Variants in CPED1 observed in about 807,000 individuals in gnomAD.
CPED1 encodes cadherin like and PC-esterase domain containing 1, also known as cadherin-like and PC-esterase domain-containing protein 1.
A neutral mutation model predicts 128.2 loss-of-function variants in CPED1; 114 were observed. That is an observed-to-expected ratio of 0.89 (90% CI 0.76 to 1.04). CPED1 has a LOEUF of 1.04. CPED1 is among the 50% of genes least tolerant of loss of function. The pLI is 0.00. For missense variants in CPED1, 1,211 were observed against 1,207.1 expected (o/e 1.00, Z -0.05); for synonymous variants, 462 against 426.7 (o/e 1.08, Z -1.02).
At chr7:121,098,717 A>C (rs1794757701) in intron 6 of CPED1, among the ~76,000 whole-genome samples, 1 of 143,334 alleles carries the variant, frequency 7.0e-6, no homozygotes, top group African/African-American at 2.6e-5. Flanking sequence ...GAGTGACAGC[A>C]AGACCTTGTC....
At chr7:121,170,020 C>A (rs1467138958) in intron 16 of CPED1, among the ~76,000 whole-genome samples, 1 of 152,196 alleles carries the variant, frequency 6.6e-6, no homozygotes, top group African/African-American at 2.4e-5. Flanking sequence ...ATGGACTACA[C>A]CTTAGTGACA....
At chr7:121,284,464 G>A (rs1338256623) in intron 22 of CPED1, among the ~76,000 whole-genome samples, 1 of 152,060 alleles carries the variant, frequency 6.6e-6, no homozygotes, top group South Asian at 2.1e-4. Context: ...TAACCCAAAA[G>A]TCAAAGTCTA....
chr7:121,068,954 CA>C (rs1171779487), intron 5 of CPED1, among the ~76,000 whole-genome samples: 1 of 152,038 alleles, frequency 6.6e-6, no homozygotes, highest in Non-Finnish European at 1.5e-5. Flanking sequence ...AAGAGGAACC[CA>C]GAGCTTAGGA....
chr7:121,036,183 G>C (rs1330196292), intron 3 of CPED1, among the ~76,000 whole-genome samples: 1 of 152,070 alleles, frequency 6.6e-6, no homozygotes, highest in Non-Finnish European at 1.5e-5. Context: ...ACATGAATAA[G>C]TAACTTAGTG....
intron 22 of CPED1, among the ~76,000 whole-genome samples, chr7:121,290,230 C>T (rs958907892): frequency 2.0e-5 from 3 of 152,112 alleles, no homozygotes; most frequent in African/African-American, 7.2e-5. Context: ...TGGTTGGTCC[C>T]AAGTCTTTGC....
intron 18 of CPED1, among the ~76,000 whole-genome samples, chr7:121,253,482 G>C (rs1041547845): frequency 1.3e-5 from 2 of 151,524 alleles, no homozygotes; most frequent in African/African-American, 4.8e-5. Context: ...ATAAAAAAAA[G>C]GAACATAGCT....
intron 16 of CPED1, among the ~76,000 whole-genome samples, chr7:121,171,192 C>T (rs1416728295): frequency 6.6e-6 from 1 of 152,090 alleles, no homozygotes; most frequent in Non-Finnish European, 1.5e-5. Context: ...CTAATTTACT[C>T]AGTAAAAATG....
At chr7:121,063,279 G>C (rs1793728486) in intron 4 of CPED1, among the ~76,000 whole-genome samples, 1 of 136,250 alleles carries the variant, frequency 7.3e-6, no homozygotes. Flanking sequence ...AAATGAATCA[G>C]TTTTTAGAAC....
chr7:121,215,394 T>C (rs1483984158), intron 16 of CPED1, among the ~76,000 whole-genome samples: 2 of 152,092 alleles, frequency 1.3e-5, no homozygotes, highest in Admixed American at 6.6e-5. Flanking sequence ...CTATGAGCAA[T>C]ATAATTTTAT....
At chr7:121,231,185 G>A (rs1229068002) in intron 16 of CPED1, among the ~76,000 whole-genome samples, 1 of 152,072 alleles carries the variant, frequency 6.6e-6, no homozygotes, top group East Asian at 1.9e-4. Context: ...GTAATAAGGA[G>A]TGTTAACAAA....
Position 121,015,737 on chromosome 7 carries a change from A to C in CPED1, c.322A>C (p.Ser108Arg), listed in dbSNP as rs990588889. ...CATACTCTACAGGCCTCCTTTCTACAGCAAAACAGAGCTTCAGCTACACCA... is the reference window on the plus strand; with the variant it reads ...CATACTCTACAGGCCTCCTTTCTACCGCAAAACAGAGCTTCAGCTACACCA... Reference protein sequence around the residue: ...RAILYRPPFYSKTELQLHQHI... With the variant: ...RAILYRPPFYRKTELQLHQHI... Residue 108 changes from serine (S) to arginine (R), a missense_variant, in exon 3 of 23, where the codon AGC (serine) becomes CGC (arginine). Physicochemically the swap from Ser to Arg is moderately radical, Grantham distance 110 (BLOSUM62 -1). Transcript: ENST00000310396. 2 of 1,611,826 alleles carry C rather than the reference A, an allele frequency of 1.2e-6. No individual in the cohort carries two copies. The highest frequency in any genetic ancestry group is 2.7e-5 in the African/African-American group (2 of 74,752).
chr7:121,069,071 G>A (rs547398588), intron 5 of CPED1, among the ~76,000 whole-genome samples: 4 of 152,188 alleles, frequency 2.6e-5, no homozygotes, highest in African/African-American at 9.6e-5. Context: ...CTTTGCTCTG[G>A]AGTGAGGCAC....
chr7:121,002,591 G>A lies in CPED1; in HGVS notation c.249+12721G>A, dbSNP rs572853033. Among the ~76,000 whole-genome samples, 43 of 152,240 alleles carry A rather than the reference G, an allele frequency of 2.8e-4. 1 individual carries two copies. Among genetic ancestry groups the A allele is most frequent in the Admixed American group, 1.2e-3 (19 of 15,272 alleles). ...ACATAAGCTATTTTAAAAGCAGATA[G>A]GTTTGAGGCAGAGTTAGTTTTCTTG... On this transcript the variant is annotated intron_variant, in intron 2 of 22. Transcript: ENST00000310396.
At chr7:121,229,672 G>A (rs1389482038) in intron 16 of CPED1, among the ~76,000 whole-genome samples, 1 of 152,006 alleles carries the variant, frequency 6.6e-6, no homozygotes, top group Admixed American at 6.6e-5. Flanking sequence ...TTATTTGTTT[G>A]TGGCAGGAGC....
At chr7:121,067,251 C>G (rs1793854100) in intron 5 of CPED1, among the ~76,000 whole-genome samples, 1 of 151,772 alleles carries the variant, frequency 6.6e-6, no homozygotes, top group African/African-American at 2.4e-5. Flanking sequence ...TCTCCTAATG[C>G]TATCCCTCCC....
At chr7:121,033,151 TG>T (rs550808247) in intron 3 of CPED1, among the ~76,000 whole-genome samples, 19 of 152,232 alleles carry the variant, frequency 1.2e-4, no homozygotes, top group Non-Finnish European at 1.8e-4. Context: ...GGCCAACTAC[TG>T]TGAGGTCCTC....
chr7:120,992,128 T>C (rs893736454), intron 2 of CPED1, among the ~76,000 whole-genome samples: 14 of 152,184 alleles, frequency 9.2e-5, no homozygotes, highest in African/African-American at 3.4e-4. Flanking sequence ...TTGGGATCAA[T>C]ATATTGATCA....
chr7:120,993,582 T>C (rs868018361), intron 2 of CPED1, among the ~76,000 whole-genome samples: 1 of 152,204 alleles, frequency 6.6e-6, no homozygotes, highest in South Asian at 2.1e-4. Context: ...TAGTAAATAG[T>C]ATATTTAACA....
chr7:121,010,872 A>G (rs1333033944), intron 2 of CPED1, among the ~76,000 whole-genome samples: 2 of 152,238 alleles, frequency 1.3e-5, no homozygotes, highest in Admixed American at 6.5e-5. Flanking sequence ...GTGTCCTGCA[A>G]TTATAACATA....
Sources: allele counts gnomAD v4.1 joint callset (sites outside exome capture counted in the v4.1 genomes callset), GRCh38; gene constraint gnomAD v4.1.1; transcripts MANE v1.5; gene names NCBI Gene and HGNC (gene_info 2026-07-23, HGNC 2026-07-21).